Variants in ADAMTS9 observed in about 807,000 individuals in gnomAD.
ADAMTS9 encodes A disintegrin and metalloproteinase with thrombospondin motifs 9.
A neutral mutation model predicts 257.1 loss-of-function variants in ADAMTS9; 107 were observed. The observed-to-expected ratio is 0.42, with a 90% CI of 0.36 to 0.49. The LOEUF (loss-of-function observed/expected upper bound fraction) is 0.49, where lower values mean the gene tolerates loss of function less well. ADAMTS9 is among the 20% of genes least tolerant of loss of function. The pLI, the probability that ADAMTS9 is intolerant of heterozygous loss-of-function variation, is 0.03. For missense variants in ADAMTS9, 2,353 were observed against 2,469.1 expected, an observed-to-expected ratio of 0.95 and a Z score of 1.00; for synonymous variants, 982 against 880.9, an observed-to-expected ratio of 1.11 and a Z score of -2.03.
chr3:64,603,878 T>A (rs372264226), intron 25 of ADAMTS9, 44 bp downstream of exon 25: 21 of 1,605,156 alleles, frequency 1.3e-5, no homozygotes, highest in Non-Finnish European at 1.6e-5. Context: ...TAGCCCTCAA[T>A]GTTTCCCCCA....
intron 30 of ADAMTS9, among the ~76,000 whole-genome samples, chr3:64,553,160 T>G (rs752589964): frequency 6.6e-6 from 1 of 152,214 alleles, no homozygotes; most frequent in Non-Finnish European, 1.5e-5. Context: ...TTCCAGAATA[T>G]TTCATCACTG....
At chr3:64,627,411 G>T (rs768856453) in intron 16 of ADAMTS9, among the ~76,000 whole-genome samples, 1 of 151,972 alleles carries the variant, frequency 6.6e-6, no homozygotes, top group Non-Finnish European at 1.5e-5. Context: ...ATTTTATCTT[G>T]CACTGCATCG....
chr3:64,517,419 T>TTTTTTTTTTTTTTTTTG (rs2082791732), intron 39 of ADAMTS9, among the ~76,000 whole-genome samples: 1 of 119,780 alleles, frequency 8.3e-6, no homozygotes, highest in Non-Finnish European at 1.8e-5. Flanking sequence ...AAAAATGGTT[T>TTTTTTTTTTTTTTTTTG]TTTTTTTTTT....
At chr3:64,676,480 A>AT (rs1330086969) in intron 3 of ADAMTS9, among the ~76,000 whole-genome samples, 3 of 152,090 alleles carry the variant, frequency 2.0e-5, no homozygotes, top group African/African-American at 7.2e-5. Flanking sequence ...TTTACTTCAG[A>AT]TATTCTGTTT....
intron 18 of ADAMTS9, 142 bp from the exon 19 acceptor site, chr3:64,621,382 C>A (rs186496439): frequency 1.9e-4 from 193 of 1,001,206 alleles, no homozygotes; most frequent in Admixed American, 1.2e-3. Context: ...CACTATTCAA[C>A]CCTGACATTA....
intron 2 of ADAMTS9, among the ~76,000 whole-genome samples, chr3:64,683,175 T>A (rs1701801385): frequency 6.6e-6 from 1 of 152,174 alleles, no homozygotes; most frequent in African/African-American, 2.4e-5. Context: ...TCACAACATG[T>A]GAAGCCTATC....
intron 32 of ADAMTS9, among the ~76,000 whole-genome samples, chr3:64,544,818 T>C (rs903378583): frequency 9.2e-5 from 14 of 151,900 alleles, no homozygotes; most frequent in Non-Finnish European, 1.6e-4. Flanking sequence ...ACCATCAGAG[T>C]GAACAGGCAA....
intron 22 of ADAMTS9, among the ~76,000 whole-genome samples, chr3:64,610,758 G>A (rs2084650494): frequency 6.6e-6 from 1 of 152,078 alleles, no homozygotes; most frequent in African/African-American, 2.4e-5. Context: ...TGCGGTTGCT[G>A]TAGAACATCA....
intron 2 of ADAMTS9, among the ~76,000 whole-genome samples, chr3:64,685,812 C>T (rs1168811929): frequency 2.0e-5 from 3 of 152,164 alleles, no homozygotes; most frequent in African/African-American, 7.2e-5. Context: ...GAAATCACGT[C>T]CGGACAGCCT....
At chr3:64,640,156 C>G (rs1301370262) in intron 12 of ADAMTS9, among the ~76,000 whole-genome samples, 4 of 152,150 alleles carry the variant, frequency 2.6e-5, no homozygotes, top group African/African-American at 9.7e-5. Context: ...GGAACAGAGT[C>G]TGTATCTCAC....
Position 64,636,212 on chromosome 3 carries a change from C to G in ADAMTS9, c.1857-2333G>C, listed in dbSNP as rs76456814. Among the ~76,000 whole-genome samples the G allele has an allele frequency of 1.1e-4, 17 of 152,172 alleles. 1 individual carries two copies. The East Asian group carries it at 3.3e-3, about 29-fold the overall frequency. On this transcript the variant is annotated intron_variant, in intron 12 of 39. Transcript: ENST00000498707. ...TCCCTTCAGATGGTAACAGTTTCCA[C>G]CTTTGCTTGCTTTGACCACTATAAC...
chr3:64,621,438 C>T (rs1192546793), intron 18 of ADAMTS9, among the ~76,000 whole-genome samples, 198 bp from the exon 19 acceptor site: 5 of 152,232 alleles, frequency 3.3e-5, no homozygotes, highest in African/African-American at 9.6e-5. Flanking sequence ...ACAAAATTGT[C>T]ATGACTGTGT....
intron 19 of ADAMTS9, among the ~76,000 whole-genome samples, chr3:64,620,823 C>T (rs1049534735): frequency 6.6e-6 from 1 of 152,130 alleles, no homozygotes; most frequent in African/African-American, 2.4e-5. Flanking sequence ...CAATGTGACT[C>T]AATCATAATG....
chr3:64,599,078 C>G (rs753910346), intron 26 of ADAMTS9, among the ~76,000 whole-genome samples: 1 of 152,112 alleles, frequency 6.6e-6, no homozygotes, highest in Non-Finnish European at 1.5e-5. Context: ...TGCTTCCTAC[C>G]GAGAATCCAA....
chr3:64,568,252 C>T (rs966306786), intron 29 of ADAMTS9, 116 bp downstream of exon 29: 1 of 1,088,504 alleles, frequency 9.2e-7, no homozygotes, highest in African/African-American at 1.6e-5. Flanking sequence ...CCCTCCCAGT[C>T]CCCGAGCTCC....
At chr3:64,571,831 C>G (rs1186534114) in intron 28 of ADAMTS9, among the ~76,000 whole-genome samples, 1 of 152,178 alleles carries the variant, frequency 6.6e-6, no homozygotes, top group Non-Finnish European at 1.5e-5. Context: ...GAGGGGCTAT[C>G]ATTTTGATAA....
At chr3:64,525,676 T>C (rs576042355) in intron 38 of ADAMTS9, among the ~76,000 whole-genome samples, 1 of 152,006 alleles carries the variant, frequency 6.6e-6, no homozygotes, top group Non-Finnish European at 1.5e-5. Flanking sequence ...AATGGCGCAA[T>C]GTCAGCTCAC....
intron 28 of ADAMTS9, among the ~76,000 whole-genome samples, chr3:64,584,887 G>A (rs889753613): frequency 2.0e-5 from 3 of 151,996 alleles, no homozygotes; most frequent in Non-Finnish European, 2.9e-5. Flanking sequence ...TGTAAATACC[G>A]TACAACTCTC....
At chr3:64,647,867 G>A in intron 11 of ADAMTS9, 73 bp downstream of exon 11, 3 of 1,303,394 alleles carry the variant, frequency 2.3e-6, no homozygotes, top group Non-Finnish European at 3.2e-6. Flanking sequence ...CTAAACATCG[G>A]TGTCTGATCA....
Sources: gnomAD v4.1 joint callset for allele counts (sites outside exome capture counted in the v4.1 genomes callset) on GRCh38, gnomAD v4.1.1 for gene constraint, MANE v1.5 for transcripts, NCBI Gene and HGNC (gene_info 2026-07-23, HGNC 2026-07-21) for gene names.